ZNF268: variants seen among roughly 807,000 people sequenced by gnomAD.
ZNF268 encodes the protein zinc finger protein 268.
A neutral mutation model predicts 29.3 loss-of-function variants in ZNF268; 20 were observed. That is an observed-to-expected ratio of 0.68 (90% CI 0.48 to 0.99). ZNF268 has a LOEUF of 0.99. Ranked by LOEUF, ZNF268 falls within the 50% of genes least tolerant of loss-of-function variation. ZNF268 has a pLI of 0.00. For missense variants in ZNF268, 1,240 were observed against 1,121.6 expected, an observed-to-expected ratio of 1.11 and a Z score of -1.51; for synonymous variants, 429 against 376.9, an observed-to-expected ratio of 1.14 and a Z score of -1.60.
Position 133,203,709 on chromosome 12 carries a change from A to AC in ZNF268, c.2023_2024insC (p.Lys675ThrfsTer4), listed in dbSNP as rs758587403. 1.7e-4 allele frequency: 266 copies of AC among 1,547,386 alleles called. No individual in the cohort carries two copies. The highest frequency in any genetic ancestry group is 2.2e-4 in the Non-Finnish European group (254 of 1,152,312). On this transcript the variant is annotated frameshift_variant, in exon 6 of 6. Transcript: ENST00000536435. LOFTEE classifies it low-confidence loss of function (END_TRUNC). Reference sequence around the variant, plus strand: ...ACCCTATGGATGCAGTCAATGTGCAAAAACCTTTAGTTTGAAGTCCCAGCT... The same window carrying AC: ...ACCCTATGGATGCAGTCAATGTGCAACAAACCTTTAGTTTGAAGTCCCAGCT...
intron 2 of ZNF268, among the ~76,000 whole-genome samples, chr12:133,182,708 G>T: frequency 6.6e-6 from 1 of 152,204 alleles, no homozygotes. Flanking sequence ...CTAGGAAAAA[G>T]AAGTAACGTG....
At position 133,203,778 on chromosome 12, in the gene ZNF268, T is replaced by C; in HGVS notation, c.2092T>C (p.Cys698Arg). 1 of 1,564,332 alleles carries C rather than the reference T, an allele frequency of 6.4e-7. No individual in the cohort carries two copies. The highest frequency in any genetic ancestry group is 1.4e-5 in the African/African-American group (1 of 73,866). The change falls in exon 6 of 6, where the codon TGC (cysteine) becomes CGC (arginine). Residue 698 changes from cysteine to arginine, a missense_variant. Coordinates refer to ENST00000536435, the MANE Select transcript of ZNF268 (RefSeq NM_003415.3). ...RSHTGVKPYG[C>R]SECGKAFRSK... ...TCACACAGGAGTAAAACCATATGGATGCAGTGAGTGTGGGAAAGCCTTCAG... is the reference window on the plus strand; with the variant it reads ...TCACACAGGAGTAAAACCATATGGACGCAGTGAGTGTGGGAAAGCCTTCAG...
At chr12:133,184,114 CT>C (rs113751729) in intron 2 of ZNF268, among the ~76,000 whole-genome samples, 13,655 of 145,958 alleles carry the variant, frequency 0.094, 1,073 homozygotes, top group African/African-American at 0.23. Context: ...TTCTTGTTTT[CT>C]TTTTTTTTTT....
chr12:133,184,982 G>A (rs1432277842), intron 2 of ZNF268, among the ~76,000 whole-genome samples: 2 of 152,078 alleles, frequency 1.3e-5, no homozygotes, highest in South Asian at 2.1e-4. Context: ...TCAGGAGTTC[G>A]AGACCAGCCT....
At chr12:133,184,186 A>G (rs1298851113) in intron 2 of ZNF268, among the ~76,000 whole-genome samples, 1 of 151,556 alleles carries the variant, frequency 6.6e-6, no homozygotes, top group East Asian at 2.0e-4. Flanking sequence ...GCTCACTGCA[A>G]CCTCTGCCTC....
rs1957005111 is a variant in ZNF268 at position 133,212,584 on chromosome 12, A to T, written c.*8054A>T. 6.6e-6 allele frequency: 1 copy of T among 150,802 alleles called. No individual in the cohort carries two copies. Among genetic ancestry groups the T allele is most frequent in the Non-Finnish European group, 1.5e-5 (1 of 67,776 alleles). The allele number at this position is 150,802 out of a possible 1,614,324, so 9.3% of individuals were successfully genotyped here. ...ATATACACATATATATAATAAGAACATTTACCATTTTAACTATTTTTAAGT... is the reference window on the plus strand; with the variant it reads ...ATATACACATATATATAATAAGAACTTTTACCATTTTAACTATTTTTAAGT... On this transcript the variant is annotated 3_prime_UTR_variant, in exon 6 of 6. Coordinates refer to ENST00000536435, the MANE Select transcript of ZNF268 (RefSeq NM_003415.3).
rs1337676285 is a variant in ZNF268, at chr12:133,203,334, C to T, written c.1648C>T (p.His550Tyr). ...ACAGCTCATTATACATCAGAGGATT[C>T]ATACAGGAGAGAACCCCTATGAATG... ...KSQLIIHQRIHTGENPYECHE... is the reference protein window; with the variant it reads ...KSQLIIHQRIYTGENPYECHE... Residue 550 changes from histidine (H) to tyrosine (Y), a missense_variant, in exon 6 of 6, where the codon CAT becomes TAT. Around this residue, in one of 3 missense-constraint regions of ZNF268, gnomAD observed 1,177 missense variants for 1,039.6 expected, o/e 1.13. Coordinates refer to ENST00000536435, the MANE Select transcript of ZNF268 (RefSeq NM_003415.3). The T allele has an allele frequency of 5.8e-6, 9 of 1,546,434 alleles. No individual in the cohort carries two copies. The Admixed American group carries it at 1.8e-4, about 30-fold the overall frequency.
intron 3 of ZNF268, among the ~76,000 whole-genome samples, chr12:133,189,871 G>A (rs893514001): frequency 2.6e-4 from 39 of 152,104 alleles, no homozygotes; most frequent in African/African-American, 8.4e-4. Flanking sequence ...ACAGTGGCAC[G>A]ACCTCGGCTC....
At chr12:133,184,743 A>T (rs1430388886) in intron 2 of ZNF268, 2 of 447,936 alleles carry the variant, frequency 4.5e-6, no homozygotes, top group Middle Eastern at 5.1e-4. Context: ...CAGCCTCCTG[A>T]GTAGCTGGGA....
At position 133,205,052 on chromosome 12, in the gene ZNF268, C is replaced by G. The variant is rs1956866156; in HGVS notation, c.*522C>G. 1 of 147,840 alleles carries G rather than the reference C, an allele frequency of 6.8e-6. No individual in the cohort carries two copies. Among genetic ancestry groups the G allele is most frequent in the South Asian group, 2.1e-4 (1 of 4,664 alleles). 9.2% of individuals were successfully genotyped at this position (147,840 alleles called of 1,614,324 possible). A position where few individuals can be genotyped will look rare whatever the true frequency, so the allele number is the denominator to read the frequency against. ...GTGTAAATCTAGAAATGAGAAACCC[C>G]TAGGGAAAAAATATATATAGGAGTG... On this transcript the variant is annotated 3_prime_UTR_variant, in exon 6 of 6. Transcript: ENST00000536435.
At chr12:133,183,863 T>C (rs983720738) in intron 2 of ZNF268, among the ~76,000 whole-genome samples, 1 of 152,026 alleles carries the variant, frequency 6.6e-6, no homozygotes, top group Non-Finnish European at 1.5e-5. Context: ...CCAAGAAAAG[T>C]AAGACAAAAT....
intron 5 of ZNF268, among the ~76,000 whole-genome samples, chr12:133,200,617 A>G (rs962068773): frequency 7.3e-5 from 11 of 151,724 alleles, no homozygotes; most frequent in African/African-American, 2.4e-4. Context: ...TCTATTTTCT[A>G]CTCAACCTCC....
In ZNF268 at chr12:133,202,438, G is replaced by C. The variant is rs761585557; in HGVS notation, c.752G>C (p.Ser251Thr). Residue 251 changes from serine (S) to threonine (T), a missense_variant, in exon 6 of 6, where the codon AGT (serine) becomes ACT (threonine). Coordinates refer to ENST00000536435, the MANE Select transcript of ZNF268 (RefSeq NM_003415.3). ...GTTATTGGAATAAAATACTGTGAAA[G>C]TATTGAATCTGGAAAAACCGTCAAT... ...QTVIGIKYCE[S>T]IESGKTVNKK... 3 of 1,610,918 alleles carry C rather than the reference G, an allele frequency of 1.9e-6. No homozygotes were observed. The South Asian group carries it at 3.3e-5, about 18-fold the overall frequency.
At chr12:133,187,229 C>T (rs898079592) in intron 2 of ZNF268, among the ~76,000 whole-genome samples, 9 of 150,424 alleles carry the variant, frequency 6.0e-5, no homozygotes, top group Non-Finnish European at 5.9e-5. Context: ...AGGTCGTTGG[C>T]GCTTTTTTAT....
rs944662185 is a variant in ZNF268 at position 133,213,775 on chromosome 12, G to C, written c.*9245G>C. 2 of 151,762 alleles carry C rather than the reference G, an allele frequency of 1.3e-5. No individual in the cohort carries two copies. The highest frequency in any genetic ancestry group is 1.3e-4 in the Admixed American group (2 of 15,234). The allele number at this position is 151,762 out of a possible 1,614,324, so 9.4% of individuals were successfully genotyped here. A position where few individuals can be genotyped will look rare whatever the true frequency, so the allele number is the denominator to read the frequency against. On this transcript the variant is annotated 3_prime_UTR_variant, in exon 6 of 6. Coordinates refer to ENST00000536435, the MANE Select transcript of ZNF268 (RefSeq NM_003415.3). ...AGCACTTTGGGAGGCTGAGGCAGGT[G>C]GATCACGAGGTCAGGAGATCGAAAC...
intron 5 of ZNF268, among the ~76,000 whole-genome samples, chr12:133,201,114 GTAGT>G (rs761576951): frequency 3.4e-4 from 52 of 151,944 alleles, no homozygotes; most frequent in African/African-American, 6.3e-4. Flanking sequence ...TATTTTTTCT[GTAGT>G]TAATTTTTTG....
At chr12:133,183,813 G>A (rs567172532) in intron 2 of ZNF268, among the ~76,000 whole-genome samples, 1 of 152,312 alleles carries the variant, frequency 6.6e-6, no homozygotes, top group Admixed American at 6.5e-5. Context: ...GAAATGACAA[G>A]AGAAAGCAGG....
At position 133,203,511 on chromosome 12, in the gene ZNF268, G is replaced by A; in HGVS notation, c.1825G>A (p.Glu609Lys). 1 of 1,545,898 alleles carries A rather than the reference G, an allele frequency of 6.5e-7. No homozygotes were observed. Among genetic ancestry groups the A allele is most frequent in the Non-Finnish European group, 8.7e-7 (1 of 1,149,738 alleles). ...LIIHQRTHTG[E>K]KPFECSECQK... ...TATACACCAGAGAACTCATACAGGG[G>A]AGAAACCATTTGAATGTAGTGAGTG... Residue 609 changes from glutamate (E) to lysine (K), a missense_variant, in exon 6 of 6, where the codon GAG becomes AAG. Glu to Lys is a moderately conservative substitution (Grantham distance 56, BLOSUM62 1). Around this residue, in one of 3 missense-constraint regions of ZNF268, gnomAD observed 1,177 missense variants for 1,039.6 expected, o/e 1.13. Coordinates refer to ENST00000536435, the MANE Select transcript of ZNF268 (RefSeq NM_003415.3).
chr12:133,201,553 G>A (rs1040430328), intron 5 of ZNF268, among the ~76,000 whole-genome samples: 5 of 151,964 alleles, frequency 3.3e-5, no homozygotes, highest in Non-Finnish European at 7.4e-5. Context: ...AGAAAGCTTT[G>A]TTTTTGTTTC....
Sources: gnomAD v4.1 joint callset for allele counts (sites outside exome capture counted in the v4.1 genomes callset) on GRCh38, gnomAD v4.1.1 for gene constraint, gnomAD v4.1.1 regional missense constraint, MANE v1.5 for transcripts, NCBI Gene and HGNC (gene_info 2026-07-23, HGNC 2026-07-21) for gene names.